Variants in AKAP12 observed in about 807,000 individuals in gnomAD.
AKAP12 encodes A-kinase anchoring protein 12, also known as A-kinase anchor protein 12.
Under a neutral mutation model 79.9 loss-of-function variants are expected in AKAP12, and 32 were observed. The ratio of observed to expected loss-of-function variants is 0.40; its 90% confidence interval spans 0.30 to 0.54. The LOEUF (loss-of-function observed/expected upper bound fraction) is 0.54, where lower values mean the gene tolerates loss of function less well. AKAP12 is among the 20% of genes least tolerant of loss of function. The pLI is 0.48. For synonymous variants in AKAP12, 808 were observed against 857.0 expected (o/e 0.94, Z 1.00); for missense variants, 2,074 against 2,177.0 (o/e 0.95, Z 0.94).
At chr6:151,282,576 G>A (rs1343677569) in intron 2 of AKAP12, among the ~76,000 whole-genome samples, 1 of 152,148 alleles carries the variant, frequency 6.6e-6, no homozygotes, top group East Asian at 1.9e-4. Context: ...CAGGACAGGT[G>A]GATGTTAATT....
rs955559894 is a variant in AKAP12 at position 151,350,995 on chromosome 6, C to G, written c.2604C>G (p.Ser868Arg). 6.2e-7 allele frequency: 1 copy of G among 1,614,022 alleles called. No individual in the cohort carries two copies. Among genetic ancestry groups the G allele is most frequent in the Non-Finnish European group, 8.5e-7 (1 of 1,180,012 alleles). ...EKMEAQQAQK[S>R]AEQPEQKAAT... ...TGGAGGCACAGCAAGCCCAAAAAAG[C>G]GCAGAGCAGCCCGAGCAGAAGGCAG... is the stretch of plus-strand genomic sequence containing the variant. Residue 868 changes from serine (S) to arginine (R), a missense_variant, in exon 4 of 5, where the codon AGC (serine) becomes AGG (arginine). Physicochemically the swap from Ser to Arg is moderately radical, Grantham distance 110 (BLOSUM62 -1). Around this residue, in one of 3 missense-constraint regions of AKAP12, gnomAD observed 1,428 missense variants for 1,451.0 expected, o/e 0.98. Coordinates refer to ENST00000402676, the MANE Select transcript of AKAP12 (RefSeq NM_005100.4). This position sits in a 1 kb window ranked among gnomAD's most constrained non-coding sequence, Gnocchi z 4.8.
intron 2 of AKAP12, among the ~76,000 whole-genome samples, chr6:151,301,498 C>A (rs1228072190): frequency 6.6e-6 from 1 of 152,140 alleles, no homozygotes; most frequent in African/African-American, 2.4e-5. Context: ...GAATTTTTAA[C>A]AACGGTATGA....
chr6:151,311,460 G>A (rs765362489), intron 3 of AKAP12, among the ~76,000 whole-genome samples: 5 of 152,268 alleles, frequency 3.3e-5, no homozygotes, highest in South Asian at 4.1e-4. Flanking sequence ...GTATAGAGGC[G>A]GCTCCCGGTG....
At chr6:151,323,987 T>C in intron 3 of AKAP12, 1 of 985,416 alleles carries the variant, frequency 1.0e-6, no homozygotes, top group Non-Finnish European at 1.2e-6. Context: ...CCAAGTCGTC[T>C]TTATCCATGA....
At chr6:151,321,325 G>A (rs535704952) in intron 3 of AKAP12, among the ~76,000 whole-genome samples, 1 of 152,110 alleles carries the variant, frequency 6.6e-6, no homozygotes, top group African/African-American at 2.4e-5. Context: ...CTCCATCCTG[G>A]TTAGCTGTCA....
intron 3 of AKAP12, among the ~76,000 whole-genome samples, chr6:151,307,488 C>T (rs1229476676): frequency 6.6e-6 from 1 of 152,154 alleles, no homozygotes; most frequent in Admixed American, 6.5e-5. Context: ...TAGTGGACAA[C>T]GTGTGATCAC....
At chr6:151,341,685 C>T in intron 3 of AKAP12, 1 of 1,219,944 alleles carries the variant, frequency 8.2e-7, no homozygotes, top group Non-Finnish European at 1.0e-6. Context: ...GTAAACTCTG[C>T]AGTGAGTAGC....
intron 3 of AKAP12, 30 bp from the exon 4 acceptor site, chr6:151,348,681 C>CCTG: frequency 4.6e-6 from 1 of 218,350 alleles, no homozygotes; most frequent in Non-Finnish European, 9.1e-6. Flanking sequence ...TTTCTCTTCT[C>CCTG]CCCACCCCCC....
intron 3 of AKAP12, among the ~76,000 whole-genome samples, chr6:151,345,555 G>C (rs1358662660): frequency 6.6e-6 from 1 of 151,284 alleles, no homozygotes; most frequent in African/African-American, 2.4e-5. Context: ...AGCACTTTGG[G>C]AGGCTGAGGT....
Position 151,351,979 on chromosome 6 carries a change from G to A in AKAP12, c.3588G>A (p.Glu1196=). The change falls in exon 4 of 5, where the codon GAG becomes GAA. Residue 1196 remains glutamate, a synonymous_variant. Transcript: ENST00000402676. This position sits in a 1 kb window ranked among gnomAD's most constrained non-coding sequence, Gnocchi z 4.4. ...AAGACGAGATTGTGGAAATCCATGAGGAGAATGAGGTCGCATCTGGTACCC... is the reference window on the plus strand; with the variant it reads ...AAGACGAGATTGTGGAAATCCATGAAGAGAATGAGGTCGCATCTGGTACCC... ...TQKDEIVEIH[E]ENEVASGTQS... 6.2e-7 allele frequency: 1 copy of A among 1,614,098 alleles called. No individual in the cohort carries two copies. The highest frequency in any genetic ancestry group is 8.5e-7 in the Non-Finnish European group (1 of 1,180,030).
chr6:151,261,475 G>A (rs1328866698), intron 2 of AKAP12, among the ~76,000 whole-genome samples: 2 of 152,082 alleles, frequency 1.3e-5, no homozygotes, highest in East Asian at 3.9e-4. Context: ...TGGATCAACT[G>A]AGGTCGGGAG....
At chr6:151,250,674 C>T (rs529220629) in intron 2 of AKAP12, among the ~76,000 whole-genome samples, 3 of 149,874 alleles carry the variant, frequency 2.0e-5, no homozygotes, top group East Asian at 2.0e-4. Flanking sequence ...GGCGCGATCT[C>T]GGCTCACTGC....
Position 151,240,570 on chromosome 6 carries a change from C to T in AKAP12, c.8C>T (p.Ala3Val). MG[A>V]GSSTEQRSPE... ...GAGAAGTGCGGAGGAGCCATGGGCG[C>T]CGGGAGCTCCACCGAGCAGCGCAGC... is the stretch of plus-strand genomic sequence containing the variant. Residue 3 changes from alanine to valine, a missense_variant, in exon 2 of 5, where the codon GCC becomes GTC. By Grantham distance (64) the Ala-to-Val change is moderately conservative. Around this residue, in one of 3 missense-constraint regions of AKAP12, gnomAD observed 1,428 missense variants for 1,451.0 expected, o/e 0.98. Transcript: ENST00000402676. The T allele has an allele frequency of 6.9e-7, 1 of 1,444,724 alleles. No homozygotes were observed. The highest frequency in any genetic ancestry group is 9.0e-7 in the Non-Finnish European group (1 of 1,105,138). The allele number at this position is 1,444,724 out of a possible 1,614,324, so 89.5% of individuals were successfully genotyped here.
rs191121827 is a variant in AKAP12 at position 151,286,310 on chromosome 6, A to G, written c.163-19437A>G. ...CTGAAAGCATTTTCTTTGCATTTCA[A>G]ATAAAGTTGGCAAGAAAGCTGGCAC... is the stretch of plus-strand genomic sequence containing the variant. On this transcript the variant is annotated intron_variant, in intron 2 of 4. Transcript: ENST00000402676. 4.3e-4 allele frequency among the ~76,000 whole-genome samples: 66 copies of G among 152,300 alleles called. 2 individuals carry two copies. The highest frequency in any genetic ancestry group is 3.4e-3 in the Middle Eastern group (1 of 294).
chr6:151,265,199 A>T, intron 2 of AKAP12, among the ~76,000 whole-genome samples: 1 of 147,458 alleles, frequency 6.8e-6, no homozygotes, highest in East Asian at 2.1e-4. Flanking sequence ...AAATTTATAC[A>T]TGTAAATCAA....
At position 151,324,054 on chromosome 6, in the gene AKAP12, G is replaced by C. The variant is rs1777463497; in HGVS notation, c.319+18151G>C. On this transcript the variant is annotated intron_variant, in intron 3 of 4. Coordinates refer to ENST00000402676, the MANE Select transcript of AKAP12 (RefSeq NM_005100.4). ...TTGGGAGGAGAGGAATGGCCAAGTT[G>C]CCCTGCCCCCTTGGCTCTGTGGACT... is the stretch of plus-strand genomic sequence containing the variant. 3.0e-6 allele frequency: 3 copies of C among 985,308 alleles called. No individual in the cohort carries two copies. The African/African-American group carries it at 5.2e-5, about 17-fold the overall frequency. The allele number at this position is 985,308 out of a possible 1,614,324, so 61.0% of individuals were successfully genotyped here. A position where few individuals can be genotyped will look rare whatever the true frequency, so the allele number is the denominator to read the frequency against.
rs563983624 is a variant in AKAP12 at position 151,331,919 on chromosome 6, T to C, written c.320-16792T>C. Among the ~76,000 whole-genome samples, 9 of 150,048 alleles carry C rather than the reference T, an allele frequency of 6.0e-5. No homozygotes were observed. The East Asian group carries it at 1.8e-3, about 30-fold the overall frequency. Reference sequence around the variant, plus strand: ...AAAAAAAAGTTTTGTTTTGGAGTACTAGTAGCACGATCATAGCTCACTGCA... The same window carrying C: ...AAAAAAAAGTTTTGTTTTGGAGTACCAGTAGCACGATCATAGCTCACTGCA... On this transcript the variant is annotated intron_variant, in intron 3 of 4. Coordinates refer to ENST00000402676, the MANE Select transcript of AKAP12 (RefSeq NM_005100.4).
chr6:151,260,838 A>G (rs1797412971), intron 2 of AKAP12, among the ~76,000 whole-genome samples: 1 of 151,842 alleles, frequency 6.6e-6, no homozygotes, highest in Non-Finnish European at 1.5e-5. Flanking sequence ...CTAAAAATAC[A>G]AAAATTAGCT....
At chr6:151,341,786 G>A in intron 3 of AKAP12, 1 of 1,286,922 alleles carries the variant, frequency 7.8e-7, no homozygotes, top group Non-Finnish European at 1.0e-6. Context: ...GCCCGAGATG[G>A]GTGTGTGTGG....
Sources: gnomAD v4.1 joint callset for allele counts (sites outside exome capture counted in the v4.1 genomes callset) on GRCh38, gnomAD v4.1.1 for gene constraint, gnomAD v4.1.1 regional missense constraint, Gnocchi (gnomAD v3.1) non-coding constraint, MANE v1.5 for transcripts, NCBI Gene and HGNC (gene_info 2026-07-23, HGNC 2026-07-21) for gene names.